CCDC192: variants seen among roughly 807,000 people sequenced by gnomAD.
CCDC192 encodes the protein coiled-coil domain-containing protein 192.
chr5:127,737,349 A>T (rs1326189118), intron 2 of CCDC192, among the ~76,000 whole-genome samples: 1 of 152,046 alleles, frequency 6.6e-6, no homozygotes, highest in East Asian at 1.9e-4. Context: ...TTTACTTCCA[A>T]GTATGTGGTC....
rs190498996 is a variant in CCDC192 at position 127,747,119 on chromosome 5, G to A, written c.115-7149G>A. Among the ~76,000 whole-genome samples the A allele has an allele frequency of 7.6e-3, 1,075 of 140,806 alleles. 15 individuals carry two copies. The highest frequency in any genetic ancestry group is 0.027 in the African/African-American group (1,014 of 37,696). 92.4% of individuals were successfully genotyped at this position (140,806 alleles called of 152,430 possible). On this transcript the variant is annotated intron_variant, in intron 2 of 6. Coordinates refer to ENST00000514853, the MANE Select transcript of CCDC192 (RefSeq NM_001317938.2). ...TTTTTTATTTATTTATTTTTTTATT[G>A]TTATACTTTAAGTTTTAGGGTACAT... is the stretch of plus-strand genomic sequence containing the variant.
intron 6 of CCDC192, among the ~76,000 whole-genome samples, chr5:127,886,835 C>G (rs1006903405): frequency 1.3e-5 from 2 of 151,970 alleles, no homozygotes; most frequent in Non-Finnish European, 2.9e-5. Context: ...TTGATTGTAA[C>G]TCAAAAAGGT....
intron 5 of CCDC192, among the ~76,000 whole-genome samples, chr5:127,867,596 A>G (rs1751667718): frequency 6.6e-6 from 1 of 152,168 alleles, no homozygotes; most frequent in Admixed American, 6.5e-5. Flanking sequence ...GGGGAATTGG[A>G]CTGGAAAACA....
chr5:127,779,202 A>G lies in CCDC192; in HGVS notation c.223-17901A>G, dbSNP rs140932145. On this transcript the variant is annotated intron_variant, in intron 3 of 6. Transcript: ENST00000514853. ...TTTTGTAATGTAGGCATTTTCAGCTATAAACTTTCCTCTGCATCACATAAG... is the reference window on the plus strand; with the variant it reads ...TTTTGTAATGTAGGCATTTTCAGCTGTAAACTTTCCTCTGCATCACATAAG... Among the ~76,000 whole-genome samples the G allele has an allele frequency of 9.2e-5, 14 of 152,264 alleles. No individual in the cohort carries two copies. The East Asian group carries it at 2.7e-3, about 29-fold the overall frequency.
intron 6 of CCDC192, among the ~76,000 whole-genome samples, chr5:127,909,521 T>C (rs10491255): frequency 0.21 from 31,567 of 151,938 alleles, 3,421 homozygotes; most frequent in East Asian, 0.32. Flanking sequence ...TTGCTACTTT[T>C]TAACTTGCTA....
chr5:127,940,414 C>G (rs1754354391), intron 6 of CCDC192: 1 of 151,786 alleles, frequency 6.6e-6, no homozygotes, highest in African/African-American at 2.4e-5. Context: ...ATCACTTTCC[C>G]CAGAAAGGGC....
intron 6 of CCDC192, among the ~76,000 whole-genome samples, chr5:127,889,805 C>A (rs1752679660): frequency 6.6e-6 from 1 of 152,248 alleles, no homozygotes; most frequent in Non-Finnish European, 1.5e-5. Context: ...CCACTTTGAA[C>A]CTGTCCATTC....
Position 127,731,512 on chromosome 5 carries a change from C to G in CCDC192, c.115-22756C>G, listed in dbSNP as rs138058292. Among the ~76,000 whole-genome samples the G allele has an allele frequency of 1.2e-3, 180 of 152,244 alleles. 2 individuals carry two copies. The East Asian group carries it at 0.027, about 23-fold the overall frequency. On this transcript the variant is annotated intron_variant, in intron 2 of 6. Coordinates refer to ENST00000514853, the MANE Select transcript of CCDC192 (RefSeq NM_001317938.2). Reference sequence around the variant, plus strand: ...ACATTCTTCACAGAACTAGAAAAAACTACTTTAGAATTCATACAGAACCAA... The same window carrying G: ...ACATTCTTCACAGAACTAGAAAAAAGTACTTTAGAATTCATACAGAACCAA...
At chr5:127,790,751 G>T (rs760047077) in intron 3 of CCDC192, among the ~76,000 whole-genome samples, 4 of 152,140 alleles carry the variant, frequency 2.6e-5, no homozygotes, top group African/African-American at 9.7e-5. Flanking sequence ...AGCAAACAAG[G>T]CATCAACATA....
chr5:127,888,376 A>C (rs1442666504), intron 6 of CCDC192, among the ~76,000 whole-genome samples: 1 of 152,024 alleles, frequency 6.6e-6, no homozygotes, highest in Non-Finnish European at 1.5e-5. Context: ...AGATTGCGCC[A>C]CTGCACTCCA....
chr5:127,883,822 T>C (rs1308507746), intron 6 of CCDC192, among the ~76,000 whole-genome samples: 2 of 152,232 alleles, frequency 1.3e-5, no homozygotes, highest in African/African-American at 2.4e-5. Context: ...ATCAGGACTT[T>C]GTTGGTTGCA....
At chr5:127,705,366 G>T (rs1750904620) in intron 1 of CCDC192, among the ~76,000 whole-genome samples, 1 of 152,156 alleles carries the variant, frequency 6.6e-6, no homozygotes, top group Non-Finnish European at 1.5e-5. Flanking sequence ...TGTACTTTCT[G>T]TGATGCATTT....
chr5:127,895,436 A>G (rs1464737515), intron 6 of CCDC192, among the ~76,000 whole-genome samples: 1 of 152,266 alleles, frequency 6.6e-6, no homozygotes, highest in East Asian at 1.9e-4. Flanking sequence ...GCCTTTTCCC[A>G]TATCAGAAAG....
At chr5:127,932,415 G>A (rs572837601) in intron 6 of CCDC192, among the ~76,000 whole-genome samples, 2 of 151,936 alleles carry the variant, frequency 1.3e-5, no homozygotes, top group Admixed American at 6.5e-5. Flanking sequence ...TGTTGGTCAG[G>A]CTGGTCTCGA....
chr5:127,822,022 A>C (rs1376254606), intron 5 of CCDC192, among the ~76,000 whole-genome samples: 1 of 152,238 alleles, frequency 6.6e-6, no homozygotes, highest in African/African-American at 2.4e-5. Flanking sequence ...GAACTCTGGC[A>C]TTTTCCTCCG....
At position 127,939,110 on chromosome 5, in the gene CCDC192, C is replaced by CTTTTTTTT. The variant is rs59545987; in HGVS notation, c.536-2054_536-2047dup. 3.6e-4 allele frequency among the ~76,000 whole-genome samples: 30 copies of CTTTTTTTT among 83,646 alleles called. 2 individuals carry two copies. The highest frequency in any genetic ancestry group is 3.9e-4 in the Non-Finnish European group (18 of 45,584). The allele number at this position is 83,646 out of a possible 152,430, so 54.9% of individuals were successfully genotyped here. On this transcript the variant is annotated intron_variant, in intron 6 of 6. Transcript: ENST00000514853. Reference sequence around the variant, plus strand: ...TTATGAAAGGCACTCAAACCAACATCTTTTTTTTTTTTTTTTTTTTTTTTT... The same window carrying CTTTTTTTT: ...TTATGAAAGGCACTCAAACCAACATCTTTTTTTTTTTTTTTTTTTTTTTTTTTTTTTTT...
At chr5:127,719,809 C>T (rs1292098772) in intron 2 of CCDC192, among the ~76,000 whole-genome samples, 4 of 135,070 alleles carry the variant, frequency 3.0e-5, no homozygotes, top group East Asian at 4.5e-4. Flanking sequence ...AGGCACGTCT[C>T]GCATGGCCAG....
At chr5:127,875,961 C>T (rs944118344) in intron 6 of CCDC192, among the ~76,000 whole-genome samples, 2 of 150,878 alleles carry the variant, frequency 1.3e-5, no homozygotes, top group African/African-American at 2.4e-5. Flanking sequence ...GAGGGCAGGG[C>T]GTAAGAAGGA....
At chr5:127,939,538 A>C (rs896174984) in intron 6 of CCDC192, among the ~76,000 whole-genome samples, 1 of 152,200 alleles carries the variant, frequency 6.6e-6, no homozygotes, top group Admixed American at 6.5e-5. Context: ...AGAGCAGAGA[A>C]TAGCCTGTTG....
Sources: gnomAD v4.1 joint callset for allele counts (sites outside exome capture counted in the v4.1 genomes callset) on GRCh38, gnomAD v4.1.1 for gene constraint, MANE v1.5 for transcripts, NCBI Gene and HGNC (gene_info 2026-07-23, HGNC 2026-07-21) for gene names.